PEAK1: variants seen among roughly 807,000 people sequenced by gnomAD.
The protein encoded by PEAK1 is pseudopodium enriched atypical kinase 1.
A neutral mutation model predicts 124.7 loss-of-function variants in PEAK1; 54 were observed. The observed-to-expected ratio is 0.43, with a 90% CI of 0.35 to 0.54. The LOEUF (loss-of-function observed/expected upper bound fraction) is 0.54, where lower values mean the gene tolerates loss of function less well. Ranked by LOEUF, PEAK1 falls within the 20% of genes least tolerant of loss-of-function variation. PEAK1 has a pLI of 0.01. For missense variants in PEAK1, 2,046 were observed against 2,134.5 expected (o/e 0.96, Z 0.82); for synonymous variants, 719 against 760.0 (o/e 0.95, Z 0.89).
At chr15:77,260,802 C>A (rs2061400803) in intron 5 of PEAK1, among the ~76,000 whole-genome samples, 1 of 152,172 alleles carries the variant, frequency 6.6e-6, no homozygotes, top group Non-Finnish European at 1.5e-5. Context: ...AGCTTGAGAT[C>A]TGAGAACGGA....
chr15:77,286,092 CT>C (rs2062917961), intron 3 of PEAK1, among the ~76,000 whole-genome samples: 1 of 152,122 alleles, frequency 6.6e-6, no homozygotes, highest in African/African-American at 2.4e-5. Context: ...CAAAGAACAT[CT>C]TTATTTCTGC....
intron 1 of PEAK1, chr15:77,418,442 T>C (rs2073068172): frequency 1.2e-5 from 12 of 985,326 alleles, no homozygotes; most frequent in Non-Finnish European, 1.4e-5. Context: ...AAGGGGATGT[T>C]TGTTTTTTCA....
rs576739759 is a variant in PEAK1 at position 77,412,083 on chromosome 15, T to TAACC, written c.-666+7919_-666+7922dup. On this transcript the variant is annotated intron_variant, in intron 1 of 9. Transcript: ENST00000682557. ...TATTAATGATATGAAATCCACCCTATAACCACACCTCAGCCCTTATCATTA... is the reference window on the plus strand; with the variant it reads ...TATTAATGATATGAAATCCACCCTATAACCAACCACACCTCAGCCCTTATCATTA... Among the ~76,000 whole-genome samples the TAACC allele has an allele frequency of 1.2e-3, 184 of 152,182 alleles. 1 individual carries two copies. Among genetic ancestry groups the TAACC allele is most frequent in the Non-Finnish European group, 2.3e-3 (156 of 68,030 alleles).
chr15:77,148,745 T>C (rs1178250706), intron 8 of PEAK1, among the ~76,000 whole-genome samples: 1 of 151,108 alleles, frequency 6.6e-6, no homozygotes, highest in Non-Finnish European at 1.5e-5. Flanking sequence ...AGGGAGACTC[T>C]ATCTCTACAA....
Position 77,158,539 on chromosome 15 carries a change from C to A in PEAK1, c.3295G>T (p.Asp1099Tyr). The A allele has an allele frequency of 6.2e-7, 1 of 1,614,142 alleles. No homozygotes were observed. Among genetic ancestry groups the A allele is most frequent in the Non-Finnish European group, 8.5e-7 (1 of 1,179,994 alleles). ...TATGTTGCACTACAAGGGTTCGGGT[C>A]CATAGGATCTGAAATGTCTTCTTTT... ...DGKEDISDPM[D>Y]PNPCSATYSN... Residue 1099 changes from aspartate (D) to tyrosine (Y), a missense_variant, in exon 8 of 10, where the codon GAC (aspartate) becomes TAC (tyrosine). Transcript: ENST00000682557.
At chr15:77,188,081 G>C (rs1256238476) in intron 6 of PEAK1, among the ~76,000 whole-genome samples, 1 of 152,032 alleles carries the variant, frequency 6.6e-6, no homozygotes, top group Non-Finnish European at 1.5e-5. Context: ...ATAAAACACA[G>C]CTTAAATTTG....
chr15:77,172,594 G>C (rs1277261852), intron 7 of PEAK1, among the ~76,000 whole-genome samples: 2 of 152,130 alleles, frequency 1.3e-5, no homozygotes, highest in East Asian at 3.9e-4. Context: ...TGAAAGAGGG[G>C]GCTAGTTCAG....
Position 77,114,996 on chromosome 15 carries a change from T to G in PEAK1, c.4401A>C (p.Pro1467=). 1.2e-6 allele frequency: 2 copies of G among 1,614,122 alleles called. No individual in the cohort carries two copies. Among genetic ancestry groups the G allele is most frequent in the Non-Finnish European group, 1.7e-6 (2 of 1,180,024 alleles). ...GCACAAAATCAGCCACAGTAAGACA[T>G]GGAACCTCCCTGGTGATGACCACAA... ...SHVVVITREV[P]CLTVADFVRD... Residue 1467 remains proline, a synonymous_variant, in exon 10 of 10, where the codon CCA becomes CCC. Transcript: ENST00000682557.
chr15:77,294,216 C>T (rs1018425396), intron 2 of PEAK1, among the ~76,000 whole-genome samples: 3 of 152,152 alleles, frequency 2.0e-5, no homozygotes, highest in African/African-American at 7.2e-5. Flanking sequence ...GCAACCAATC[C>T]AGTACCTAGA....
intron 1 of PEAK1, chr15:77,404,734 A>G (rs1024841288): frequency 1.1e-6 from 1 of 947,506 alleles, no homozygotes; most frequent in Non-Finnish European, 1.3e-6. Flanking sequence ...AGGATTTATT[A>G]ATGATAAAGT....
intron 6 of PEAK1, among the ~76,000 whole-genome samples, chr15:77,238,854 T>A (rs2060237522): frequency 1.3e-5 from 2 of 152,200 alleles, no homozygotes; most frequent in South Asian, 4.1e-4. Context: ...GTTCTACATG[T>A]CTCCTTGTCC....
intron 5 of PEAK1, among the ~76,000 whole-genome samples, chr15:77,266,963 A>G (rs1290039969): frequency 6.6e-6 from 1 of 151,848 alleles, no homozygotes; most frequent in Non-Finnish European, 1.5e-5. Context: ...GGTTGCCTGG[A>G]AATCAGCTCT....
chr15:77,225,695 T>TATATATATATAG (rs2059612487), intron 6 of PEAK1, among the ~76,000 whole-genome samples: 1 of 140,462 alleles, frequency 7.1e-6, no homozygotes, highest in Non-Finnish European at 1.5e-5. Flanking sequence ...TATATATATA[T>TATATATATATAG]ATGACAATTC....
chr15:77,177,343 A>G (rs1012590618), intron 7 of PEAK1, among the ~76,000 whole-genome samples: 1 of 152,170 alleles, frequency 6.6e-6, no homozygotes, highest in African/African-American at 2.4e-5. Flanking sequence ...ACCAATGACA[A>G]GACTGTTCTT....
chr15:77,213,413 C>T (rs559346467), intron 6 of PEAK1, among the ~76,000 whole-genome samples: 3 of 152,200 alleles, frequency 2.0e-5, no homozygotes, highest in East Asian at 1.9e-4. Context: ...AGATGGCAGC[C>T]GGACGCGGTG....
intron 2 of PEAK1, among the ~76,000 whole-genome samples, chr15:77,329,852 G>A (rs753865971): frequency 1.6e-4 from 24 of 152,044 alleles, no homozygotes; most frequent in Non-Finnish European, 3.2e-4. Flanking sequence ...AAGAATGACA[G>A]GGAAAATGCT....
At chr15:77,270,438 C>T (rs940934793) in intron 5 of PEAK1, among the ~76,000 whole-genome samples, 1 of 152,164 alleles carries the variant, frequency 6.6e-6, no homozygotes, top group Non-Finnish European at 1.5e-5. Context: ...AGTCTCAGGA[C>T]ACAAAATCAA....
intron 6 of PEAK1, among the ~76,000 whole-genome samples, chr15:77,215,936 C>T (rs1264284168): frequency 6.6e-6 from 1 of 151,972 alleles, no homozygotes; most frequent in South Asian, 2.1e-4. Context: ...TTATTTTTGT[C>T]AATACCAGAC....
chr15:77,332,289 T>C (rs2065935669), intron 2 of PEAK1: 1 of 985,130 alleles, frequency 1.0e-6, no homozygotes, highest in Non-Finnish European at 1.2e-6. Flanking sequence ...CTGGTCACCA[T>C]ATATTTTTTG....
Sources: gnomAD v4.1 joint callset for allele counts (sites outside exome capture counted in the v4.1 genomes callset) on GRCh38, gnomAD v4.1.1 for gene constraint, MANE v1.5 for transcripts, NCBI Gene and HGNC (gene_info 2026-07-23, HGNC 2026-07-21) for gene names.